The following BRINP2 variants were observed in gnomAD, a reference collection of about 807,000 sequenced individuals.
BRINP2 encodes the protein BMP/retinoic acid inducible neural specific 2.
In BRINP2, 21 loss-of-function variants were observed where a neutral mutation model predicts 69.2. The observed-to-expected ratio is 0.30, with a 90% CI of 0.22 to 0.44. The LOEUF (loss-of-function observed/expected upper bound fraction) is 0.44, where lower values mean the gene tolerates loss of function less well. Among genes scored for constraint, BRINP2 ranks in the 20% least tolerant of loss-of-function variants. The pLI is 1.00. For missense variants in BRINP2, 877 were observed against 986.0 expected (o/e 0.89, Z 1.48); for synonymous variants, 380 against 394.1 (o/e 0.96, Z 0.42).
intron 4 of BRINP2, among the ~76,000 whole-genome samples, chr1:177,272,269 T>G (rs1288670860): frequency 1.3e-5 from 2 of 152,226 alleles, no homozygotes; most frequent in African/African-American, 2.4e-5. Context: ...TACTGTGACT[T>G]GGATGTCTAT....
intron 1 of BRINP2, among the ~76,000 whole-genome samples, chr1:177,203,797 G>A (rs1321108289): frequency 1.3e-5 from 2 of 152,190 alleles, no homozygotes; most frequent in Non-Finnish European, 2.9e-5. Flanking sequence ...AGGGGAAACA[G>A]AGTTTGACCA....
chr1:177,191,034 G>A (rs1648580622), intron 1 of BRINP2, among the ~76,000 whole-genome samples: 1 of 152,074 alleles, frequency 6.6e-6, no homozygotes, highest in African/African-American at 2.4e-5. Context: ...CATTCATATT[G>A]CAAAGGGCCC....
At position 177,268,074 on chromosome 1, in the gene BRINP2, A is replaced by G. The variant is rs550876249; in HGVS notation, c.670-5414A>G. On this transcript the variant is annotated intron_variant, in intron 4 of 7. Coordinates refer to ENST00000361539, the MANE Select transcript of BRINP2 (RefSeq NM_021165.4). ...ACATTTACACAACTTAGCAAGGTCT[A>G]GAGACCTGATGTGGCCTGTTCAAGG... Among the ~76,000 whole-genome samples the G allele has an allele frequency of 5.9e-5, 9 of 152,300 alleles. No individual in the cohort carries two copies. The South Asian group carries it at 1.9e-3, about 32-fold the overall frequency.
intron 1 of BRINP2, among the ~76,000 whole-genome samples, chr1:177,187,678 C>T (rs555268227): frequency 4.6e-5 from 7 of 152,268 alleles, no homozygotes; most frequent in South Asian, 2.1e-4. Context: ...TGTCGACTTC[C>T]GCTCTTGTTC....
intron 1 of BRINP2, among the ~76,000 whole-genome samples, chr1:177,179,262 A>G (rs1050758843): frequency 2.0e-5 from 3 of 152,246 alleles, no homozygotes; most frequent in African/African-American, 4.8e-5. Flanking sequence ...TCTTAGAGAA[A>G]GTAACATTCA....
intron 2 of BRINP2, among the ~76,000 whole-genome samples, chr1:177,243,399 C>T (rs868594665): frequency 6.6e-6 from 1 of 152,130 alleles, no homozygotes; most frequent in Admixed American, 6.5e-5. Context: ...ACGACTCACA[C>T]ACCAAGATCC....
At chr1:177,256,241 A>G in intron 3 of BRINP2, 132 bp downstream of exon 3, 1 of 1,421,000 alleles carries the variant, frequency 7.0e-7, no homozygotes, top group Non-Finnish European at 9.3e-7. Context: ...TTTCTGGTGC[A>G]TTTGAAAACA....
intron 1 of BRINP2, among the ~76,000 whole-genome samples, chr1:177,197,080 G>T (rs902115012): frequency 6.6e-6 from 1 of 152,052 alleles, no homozygotes; most frequent in Non-Finnish European, 1.5e-5. Context: ...TTGACATAAA[G>T]AAATACCTGA....
intron 1 of BRINP2, among the ~76,000 whole-genome samples, chr1:177,215,985 A>G (rs961105366): frequency 2.0e-4 from 31 of 151,730 alleles, no homozygotes; most frequent in African/African-American, 7.3e-4. Flanking sequence ...TTATTCTTTC[A>G]TTTTTAGTAT....
chr1:177,271,112 A>G (rs1300889267), intron 4 of BRINP2, among the ~76,000 whole-genome samples: 1 of 152,224 alleles, frequency 6.6e-6, no homozygotes, highest in Non-Finnish European at 1.5e-5. Context: ...TGTCTTATTC[A>G]TCTGCGAGTT....
chr1:177,278,663 C>T lies in BRINP2; in HGVS notation c.1113C>T (p.Arg371=). 3 of 1,614,218 alleles carry T rather than the reference C, an allele frequency of 1.9e-6. No homozygotes were observed. Among genetic ancestry groups the T allele is most frequent in the Non-Finnish European group, 2.5e-6 (3 of 1,180,040 alleles). ...CCATGGACACCAGCCTTCAGCACCGCTACCAGCAGCTGGGAGCTGGCTTGA... is the reference window on the plus strand; with the variant it reads ...CCATGGACACCAGCCTTCAGCACCGTTACCAGCAGCTGGGAGCTGGCTTGA... ...FWAMDTSLQH[R]YQQLGAGLKV... Residue 371 remains arginine (R), a synonymous_variant, in exon 7 of 8, where the codon CGC becomes CGT. Coordinates refer to ENST00000361539, the MANE Select transcript of BRINP2 (RefSeq NM_021165.4).
intron 2 of BRINP2, among the ~76,000 whole-genome samples, chr1:177,233,058 A>G (rs1649911891): frequency 1.3e-5 from 2 of 152,210 alleles, no homozygotes; most frequent in African/African-American, 4.8e-5. Context: ...AGATCAAAAC[A>G]ATTGTACAGC....
chr1:177,259,763 C>A (rs1389312127), intron 4 of BRINP2, among the ~76,000 whole-genome samples: 1 of 152,162 alleles, frequency 6.6e-6, no homozygotes, highest in Non-Finnish European at 1.5e-5. Flanking sequence ...TTGTTTACAG[C>A]ATGGTTTATG....
chr1:177,179,595 ACACT>A (rs1648189979), intron 1 of BRINP2, among the ~76,000 whole-genome samples: 1 of 152,068 alleles, frequency 6.6e-6, no homozygotes, highest in South Asian at 2.1e-4. Context: ...TCTCACACAC[ACACT>A]CTTTCTCTCA....
chr1:177,280,966 A>T lies in BRINP2; in HGVS notation c.1790A>T (p.His597Leu). The change falls in exon 8 of 8, where the codon CAC (histidine) becomes CTC (leucine). Residue 597 changes from histidine to leucine, a missense_variant. His to Leu is a moderately conservative substitution (Grantham distance 99, BLOSUM62 -3). This residue lies in a region of BRINP2 where 86 missense variants were observed against 142.1 expected (regional missense o/e 0.61). Coordinates refer to ENST00000361539, the MANE Select transcript of BRINP2 (RefSeq NM_021165.4). ...AIYVNPFGGS[H>L]SESWFMPVNE... ...TACGTCAACCCCTTTGGGGGCAGCC[A>T]CTCTGAGAGCTGGTTCATGCCTGTG... 6.2e-7 allele frequency: 1 copy of T among 1,614,112 alleles called. No individual in the cohort carries two copies. The highest frequency in any genetic ancestry group is 8.5e-7 in the Non-Finnish European group (1 of 1,180,020).
intron 1 of BRINP2, among the ~76,000 whole-genome samples, chr1:177,211,972 A>C (rs1381409607): frequency 6.6e-6 from 1 of 152,188 alleles, no homozygotes; most frequent in Non-Finnish European, 1.5e-5. Flanking sequence ...ACATTATATT[A>C]TAAATAAAAG....
chr1:177,273,491 A>T lies in BRINP2; in HGVS notation c.673A>T (p.Thr225Ser), dbSNP rs550267316. 5 of 1,608,798 alleles carry T rather than the reference A, an allele frequency of 3.1e-6. No individual in the cohort carries two copies. In the South Asian group the frequency reaches 3.3e-5, roughly 11 times the overall value. ...TCCCTACTCCTTCCTTCTCTAGGTC[A>T]CCGAGACCAGGACCGGTCCTCTGGG... is the stretch of plus-strand genomic sequence containing the variant. ...IQIATGAIKV[T>S]ETRTGPLGCS... The change falls in exon 5 of 8, where the codon ACC (threonine) becomes TCC (serine). Residue 225 changes from threonine (T) to serine (S), a missense_variant. Coordinates refer to ENST00000361539, the MANE Select transcript of BRINP2 (RefSeq NM_021165.4).
At chr1:177,247,945 C>CA (rs1650435556) in intron 2 of BRINP2, among the ~76,000 whole-genome samples, 1 of 152,138 alleles carries the variant, frequency 6.6e-6, no homozygotes. Context: ...GCCAAGCCTG[C>CA]AGGGGTGCCA....
At chr1:177,276,586 AC>A in intron 6 of BRINP2, 152 bp downstream of exon 6, 1 of 701,478 alleles carries the variant, frequency 1.4e-6, no homozygotes, top group Non-Finnish European at 2.4e-6. Context: ...AGGTTATATC[AC>A]CACCCTGAGG....
Sources: gnomAD v4.1 joint callset for allele counts (sites outside exome capture counted in the v4.1 genomes callset) on GRCh38, gnomAD v4.1.1 for gene constraint, gnomAD v4.1.1 regional missense constraint, MANE v1.5 for transcripts, NCBI Gene and HGNC (gene_info 2026-07-23, HGNC 2026-07-21) for gene names.